ULK1: variants seen among roughly 807,000 people sequenced by gnomAD.
The protein encoded by ULK1 is serine/threonine-protein kinase ULK1.
Under a neutral mutation model 117.5 loss-of-function variants are expected in ULK1, and 48 were observed. The observed-to-expected ratio is 0.41, with a 90% confidence interval of 0.32 to 0.52. The LOEUF is 0.52. ULK1 is among the 20% of genes least tolerant of loss of function. The probability of loss-of-function intolerance (pLI) is 0.29; values close to 1 mark genes in which losing one functional copy is unlikely to be tolerated. For synonymous variants in ULK1, 790 were observed against 637.8 expected, an observed-to-expected ratio of 1.24 and a Z score of -3.60; for missense variants, 1,387 against 1,473.4, an observed-to-expected ratio of 0.94 and a Z score of 0.96.
At chr12:131,912,586 G>C (rs1339775624) in intron 13 of ULK1, among the ~76,000 whole-genome samples, 1 of 152,220 alleles carries the variant, frequency 6.6e-6, no homozygotes, top group African/African-American at 2.4e-5. Flanking sequence ...CTCTGTCCCT[G>C]GCTGTCCCAA....
At chr12:131,912,306 G>A (rs1889575074) in intron 13 of ULK1, among the ~76,000 whole-genome samples, 1 of 152,218 alleles carries the variant, frequency 6.6e-6, no homozygotes, top group Admixed American at 6.5e-5. Context: ...GTCAGTAGGA[G>A]GTCGGAGGCC....
Position 131,921,681 on chromosome 12 carries a change from G to T in ULK1, c.*320G>T. 1.6e-6 allele frequency: 1 copy of T among 606,090 alleles called. No homozygotes were observed. Among genetic ancestry groups the T allele is most frequent in the Non-Finnish European group, 3.0e-6 (1 of 331,258 alleles). 37.5% of individuals were successfully genotyped at this position (606,090 alleles called of 1,614,324 possible). A position where few individuals can be genotyped will look rare whatever the true frequency, so the allele number is the denominator to read the frequency against. On this transcript the variant is annotated 3_prime_UTR_variant, in exon 28 of 28. Coordinates refer to ENST00000321867, the MANE Select transcript of ULK1 (RefSeq NM_003565.4). Reference sequence around the variant, plus strand: ...AGGGCAGCCCCGGAGGACAGGCAAGGGCCTGAGACCACTGCCGACTCAAAG... The same window carrying T: ...AGGGCAGCCCCGGAGGACAGGCAAGTGCCTGAGACCACTGCCGACTCAAAG...
rs1301321710 is a variant in ULK1, at chr12:131,922,189, A to G, written c.*828A>G. 2.7e-6 allele frequency: 1 copy of G among 364,916 alleles called. No individual in the cohort carries two copies. The highest frequency in any genetic ancestry group is 2.1e-5 in the African/African-American group (1 of 47,102). The allele number at this position is 364,916 out of a possible 1,614,324, so 22.6% of individuals were successfully genotyped here. Reference sequence around the variant, plus strand: ...GCAGCTCATTTTTTCTTTAAAGGAGAAAACTTGTAGGTGTTTAAGAATTGG... The same window carrying G: ...GCAGCTCATTTTTTCTTTAAAGGAGGAAACTTGTAGGTGTTTAAGAATTGG... On this transcript the variant is annotated 3_prime_UTR_variant, in exon 28 of 28. Transcript: ENST00000321867.
chr12:131,906,619 CTAGGGGGT>C (rs1889287270), intron 3 of ULK1: 2 of 533,978 alleles, frequency 3.7e-6, no homozygotes, highest in Non-Finnish European at 6.7e-6. Flanking sequence ...ACCCTTCCTG[CTAGGGGGT>C]ATGTCCTCTG....
Position 131,902,029 on chromosome 12 carries a change from G to A in ULK1, c.247-4863G>A. Reference sequence around the variant, plus strand: ...CTGCGGCTGGCTCCCGGATTGTCCAGACCCCCAGGCCCAGCAGGCGGGAGG... The same window carrying A: ...CTGCGGCTGGCTCCCGGATTGTCCAAACCCCCAGGCCCAGCAGGCGGGAGG... On this transcript the variant is annotated intron_variant, in intron 3 of 27. Coordinates refer to ENST00000321867, the MANE Select transcript of ULK1 (RefSeq NM_003565.4). The surrounding 1 kb of genome is among the most constrained non-coding windows in gnomAD (Gnocchi z 6.3). 6.6e-6 allele frequency among the ~76,000 whole-genome samples: 1 copy of A among 152,156 alleles called. No homozygotes were observed. Among genetic ancestry groups the A allele is most frequent in the Non-Finnish European group, 1.5e-5 (1 of 68,004 alleles).
chr12:131,917,652 C>G (rs56816971), intron 22 of ULK1, 98 bp downstream of exon 22: 135,838 of 1,196,616 alleles, frequency 0.11, 11,253 homozygotes, highest in East Asian at 0.56. Flanking sequence ...GGACTACAGC[C>G]CCCCAGAGCC....
At chr12:131,907,922 G>T (rs1889341561) in intron 5 of ULK1, among the ~76,000 whole-genome samples, 2 of 146,490 alleles carry the variant, frequency 1.4e-5, no homozygotes, top group African/African-American at 2.5e-5. Context: ...CAGAGGGAAG[G>T]ACAGCAGGGG....
rs1566126206 is a variant in ULK1, at chr12:131,917,083, C to CGGAGGCTGTGGGATGGGGGTT, written c.2182+41_2182+42insTGGAGGCTGTGGGATGGGGGT. 177 of 1,380,540 alleles carry CGGAGGCTGTGGGATGGGGGTT rather than the reference C, an allele frequency of 1.3e-4. 13 individuals are homozygous for CGGAGGCTGTGGGATGGGGGTT. Among genetic ancestry groups the CGGAGGCTGTGGGATGGGGGTT allele is most frequent in the Middle Eastern group, 7.9e-4 (4 of 5,038 alleles). 85.5% of individuals were successfully genotyped at this position (1,380,540 alleles called of 1,614,324 possible). ...GATCGGTGTGTGGGTGGGTGGGGCTCGGAGGCTGTGGGATGGGGGTCGGAG... is the reference window on the plus strand; with the variant it reads ...GATCGGTGTGTGGGTGGGTGGGGCTCGGAGGCTGTGGGATGGGGGTTGGAGGCTGTGGGATGGGGGTCGGAG... On this transcript the variant is annotated intron_variant, in intron 21 of 27. Coordinates refer to ENST00000321867, the MANE Select transcript of ULK1 (RefSeq NM_003565.4).
At chr12:131,912,194 GT>G in intron 13 of ULK1, 105 bp downstream of exon 13, 1 of 1,459,138 alleles carries the variant, frequency 6.9e-7, no homozygotes, top group Non-Finnish European at 9.1e-7. Context: ...CTTATGGGCA[GT>G]TAGGATGGGC....
At chr12:131,905,940 C>T (rs940012437) in intron 3 of ULK1, among the ~76,000 whole-genome samples, 2 of 152,204 alleles carry the variant, frequency 1.3e-5, no homozygotes, top group Non-Finnish European at 2.9e-5. Flanking sequence ...CTGGTCAGGT[C>T]TTGTTGGCCC....
chr12:131,921,053 G>C (rs920607335), intron 26 of ULK1, 47 bp from the exon 27 acceptor site: 24 of 1,535,800 alleles, frequency 1.6e-5, no homozygotes, highest in Non-Finnish European at 2.0e-5. Flanking sequence ...CTTGCTGGGA[G>C]GGAGTGGGGT....
chr12:131,902,159 A>C lies in ULK1; in HGVS notation c.247-4733A>C, dbSNP rs958734864. ...GGGTGGCCCTTCCTTCTTAGGGTGGAGCCGGCATCCCTTCCCTTTTGGGAG... is the reference window on the plus strand; with the variant it reads ...GGGTGGCCCTTCCTTCTTAGGGTGGCGCCGGCATCCCTTCCCTTTTGGGAG... On this transcript the variant is annotated intron_variant, in intron 3 of 27. Transcript: ENST00000321867. The surrounding 1 kb of genome is among the most constrained non-coding windows in gnomAD (Gnocchi z 6.3). Among the ~76,000 whole-genome samples the C allele has an allele frequency of 1.3e-5, 2 of 152,004 alleles. No homozygotes were observed. The highest frequency in any genetic ancestry group is 4.8e-5 in the African/African-American group (2 of 41,384).
In ULK1 at chr12:131,909,128, T is replaced by A; in HGVS notation, c.565-8T>A. 6.2e-7 allele frequency: 1 copy of A among 1,604,492 alleles called. No individual in the cohort carries two copies. The highest frequency in any genetic ancestry group is 1.1e-5 in the South Asian group (1 of 90,012). On this transcript the variant is annotated splice_region_variant and splice_polypyrimidine_tract_variant and intron_variant, in intron 7 of 27. Coordinates refer to ENST00000321867, the MANE Select transcript of ULK1 (RefSeq NM_003565.4). Reference sequence around the variant, plus strand: ...GGCCTCACACTGACCCGACTTCTGGTCCCGCAGGCCCCCGAGGTCATCATG... The same window carrying A: ...GGCCTCACACTGACCCGACTTCTGGACCCGCAGGCCCCCGAGGTCATCATG...
chr12:131,919,971 C>A lies in ULK1; in HGVS notation c.2804-8C>A, dbSNP rs113063955. On this transcript the variant is annotated splice_polypyrimidine_tract_variant and splice_region_variant and intron_variant, in intron 25 of 27. Transcript: ENST00000321867. ...GCACCCTGAGCTGACCACCCTCGTC[C>A]TTTGCAGTGGTGCGCAGGCTGAATG... 9 of 1,611,332 alleles carry A rather than the reference C, an allele frequency of 5.6e-6. No homozygotes were observed. The highest frequency in any genetic ancestry group is 5.3e-5 in the African/African-American group (4 of 75,048).
chr12:131,910,265 C>G lies in ULK1; in HGVS notation c.820C>G (p.His274Asp), dbSNP rs528951375. ...CCTTCCTCCTGCAGATGAGTTTTTT[C>G]ATCACCCTTTCCTCGATGCCAGCCC... ...KDRMDFDEFF[H>D]HPFLDASPSV... The change falls in exon 11 of 28, where the codon CAT becomes GAT. Residue 274 changes from histidine to aspartate, a missense_variant. Physicochemically the swap from His to Asp is moderately conservative, Grantham distance 81 (BLOSUM62 -1). Coordinates refer to ENST00000321867, the MANE Select transcript of ULK1 (RefSeq NM_003565.4). 2 of 1,613,794 alleles carry G rather than the reference C, an allele frequency of 1.2e-6. No homozygotes were observed. The highest frequency in any genetic ancestry group is 4.5e-5 in the East Asian group (2 of 44,882).
rs1359076520 is a variant in ULK1 at position 131,903,081 on chromosome 12, C to T, written c.247-3811C>T. Reference sequence around the variant, plus strand: ...CCGGTGAGGCTGTGCTCTCACCTGACCCCCCTCAAGAGCCCTAGAGAGAGT... The same window carrying T: ...CCGGTGAGGCTGTGCTCTCACCTGATCCCCCTCAAGAGCCCTAGAGAGAGT... On this transcript the variant is annotated intron_variant, in intron 3 of 27. Coordinates refer to ENST00000321867, the MANE Select transcript of ULK1 (RefSeq NM_003565.4). This position sits in a 1 kb window ranked among gnomAD's most constrained non-coding sequence, Gnocchi z 6.0. 6.6e-6 allele frequency among the ~76,000 whole-genome samples: 1 copy of T among 152,130 alleles called. No homozygotes were observed. Among genetic ancestry groups the T allele is most frequent in the Non-Finnish European group, 1.5e-5 (1 of 68,006 alleles).
intron 8 of ULK1, 69 bp from the exon 9 acceptor site, chr12:131,909,706 C>G: frequency 6.9e-7 from 1 of 1,446,400 alleles, no homozygotes; most frequent in Non-Finnish European, 9.2e-7. Flanking sequence ...GGGACGAACG[C>G]ACCGAGACCC....
Position 131,922,067 on chromosome 12 carries a change from C to T in ULK1, c.*706C>T, listed in dbSNP as rs181994403. 181 of 452,832 alleles carry T rather than the reference C, an allele frequency of 4.0e-4. No homozygotes were observed. The highest frequency in any genetic ancestry group is 3.5e-3 in the African/African-American group (174 of 50,146). The allele number at this position is 452,832 out of a possible 1,614,324, so 28.1% of individuals were successfully genotyped here. A position where few individuals can be genotyped will look rare whatever the true frequency, so the allele number is the denominator to read the frequency against. ...AGAGGCAGTTCTTTGTTCAAGCGTTCCTCTGGGGACCGGCAGCAGAGGCAC... is the reference window on the plus strand; with the variant it reads ...AGAGGCAGTTCTTTGTTCAAGCGTTTCTCTGGGGACCGGCAGCAGAGGCAC... On this transcript the variant is annotated 3_prime_UTR_variant, in exon 28 of 28. Transcript: ENST00000321867.
At chr12:131,909,429 G>A (rs1889423262) in intron 8 of ULK1, among the ~76,000 whole-genome samples, 192 bp downstream of exon 8, 1 of 152,184 alleles carries the variant, frequency 6.6e-6, no homozygotes, top group African/African-American at 2.4e-5. Flanking sequence ...CGCCGCCGGC[G>A]GTGACTGGGA....
Sources: gnomAD v4.1 joint callset for allele counts (sites outside exome capture counted in the v4.1 genomes callset) on GRCh38, gnomAD v4.1.1 for gene constraint, Gnocchi (gnomAD v3.1) non-coding constraint, MANE v1.5 for transcripts, NCBI Gene and HGNC (gene_info 2026-07-23, HGNC 2026-07-21) for gene names.